The following CNTN5 variants were observed in gnomAD, a reference collection of about 807,000 sequenced individuals.
CNTN5 encodes contactin-5.
CNTN5 carries 77 observed loss-of-function variants against 129.1 expected under a neutral mutation model. The observed-to-expected ratio is 0.60, with a 90% confidence interval of 0.50 to 0.72. The LOEUF (loss-of-function observed/expected upper bound fraction) is 0.72, where lower values mean the gene tolerates loss of function less well. Among genes scored for constraint, CNTN5 ranks in the 30% least tolerant of loss-of-function variants. CNTN5 has a pLI of 0.00. For synonymous variants in CNTN5, 509 were observed against 465.6 expected, an observed-to-expected ratio of 1.09 and a Z score of -1.20; for missense variants, 1,478 against 1,328.8, an observed-to-expected ratio of 1.11 and a Z score of -1.75.
At chr11:99,116,561 C>T (rs1591218035) in intron 1 of CNTN5, among the ~76,000 whole-genome samples, 1 of 152,236 alleles carries the variant, frequency 6.6e-6, no homozygotes, top group Admixed American at 6.5e-5. Context: ...AATAAATATT[C>T]TCTCTATATC....
At chr11:100,304,048 A>G (rs1264884360) in intron 20 of CNTN5, among the ~76,000 whole-genome samples, 2 of 151,622 alleles carry the variant, frequency 1.3e-5, no homozygotes, top group Admixed American at 6.6e-5. Context: ...TATAATCAAT[A>G]TTACAAGCAC....
At chr11:99,046,078 C>T (rs148842073) in intron 1 of CNTN5, among the ~76,000 whole-genome samples, 10 of 152,310 alleles carry the variant, frequency 6.6e-5, no homozygotes, top group African/African-American at 7.2e-5. Flanking sequence ...GTGGCTCACG[C>T]CTGTAATTCC....
At chr11:99,632,376 A>T (rs1951391655) in intron 3 of CNTN5, among the ~76,000 whole-genome samples, 1 of 152,066 alleles carries the variant, frequency 6.6e-6, no homozygotes, top group African/African-American at 2.4e-5. Flanking sequence ...GCTTAGGGTA[A>T]ACATGTCATT....
chr11:99,746,758 T>C (rs1487824486), intron 3 of CNTN5, among the ~76,000 whole-genome samples: 2 of 152,200 alleles, frequency 1.3e-5, no homozygotes, highest in Admixed American at 1.3e-4. Context: ...AAACCAGCCC[T>C]GTGTGGCTGG....
intron 1 of CNTN5, among the ~76,000 whole-genome samples, chr11:99,154,749 C>G (rs990627644): frequency 2.0e-5 from 3 of 152,136 alleles, no homozygotes; most frequent in African/African-American, 7.2e-5. Flanking sequence ...ACATCTGAGG[C>G]TACAAGTGGG....
chr11:99,672,991 A>G (rs552303064), intron 3 of CNTN5, among the ~76,000 whole-genome samples: 2 of 152,210 alleles, frequency 1.3e-5, no homozygotes, highest in East Asian at 1.9e-4. Flanking sequence ...GGTGGGACAC[A>G]TTCTCTTAGG....
Position 99,152,833 on chromosome 11 carries a change from G to A in CNTN5, c.-210+131563G>A, listed in dbSNP as rs571910335. ...CTTTTAAGAACTTCTTTTAAGGCAGGTCTGGTGCTAATGAATTCCTTTAGC... is the reference window on the plus strand; with the variant it reads ...CTTTTAAGAACTTCTTTTAAGGCAGATCTGGTGCTAATGAATTCCTTTAGC... On this transcript the variant is annotated intron_variant, in intron 1 of 24. Coordinates refer to ENST00000524871, the MANE Select transcript of CNTN5 (RefSeq NM_014361.4). 2.2e-4 allele frequency among the ~76,000 whole-genome samples: 33 copies of A among 152,296 alleles called. 1 individual carries two copies. The highest frequency in any genetic ancestry group is 6.8e-3 in the Middle Eastern group (2 of 294).
At chr11:99,580,567 A>G (rs1278475081) in intron 3 of CNTN5, among the ~76,000 whole-genome samples, 1 of 152,220 alleles carries the variant, frequency 6.6e-6, no homozygotes, top group African/African-American at 2.4e-5. Flanking sequence ...GGGAGGGTGT[A>G]TGTGCCGAGG....
intron 15 of CNTN5, among the ~76,000 whole-genome samples, chr11:100,217,304 T>A (rs931786043): frequency 3.3e-5 from 5 of 152,134 alleles, no homozygotes; most frequent in African/African-American, 1.2e-4. Flanking sequence ...TTAAGAAGAA[T>A]CTATTGGTTG....
At chr11:100,165,889 G>T (rs1591343430) in intron 13 of CNTN5, among the ~76,000 whole-genome samples, 1 of 151,716 alleles carries the variant, frequency 6.6e-6, no homozygotes, top group South Asian at 2.1e-4. Flanking sequence ...ACAAGTTAAA[G>T]AACTTGCCTG....
At chr11:99,387,834 A>G (rs1229301194) in intron 2 of CNTN5, among the ~76,000 whole-genome samples, 1 of 152,114 alleles carries the variant, frequency 6.6e-6, no homozygotes, top group East Asian at 1.9e-4. Context: ...CACTTTTTAG[A>G]GTAGTGAGTT....
intron 17 of CNTN5, among the ~76,000 whole-genome samples, chr11:100,266,258 C>T (rs1466530349): frequency 6.6e-6 from 1 of 151,950 alleles, no homozygotes; most frequent in Non-Finnish European, 1.5e-5. Context: ...GATTCTTTTG[C>T]TTGGAAAGGC....
At chr11:100,062,249 A>G (rs1020102434) in intron 10 of CNTN5, among the ~76,000 whole-genome samples, 1 of 152,216 alleles carries the variant, frequency 6.6e-6, no homozygotes, top group Non-Finnish European at 1.5e-5. Flanking sequence ...TCCAAATTTC[A>G]TATTGGCTGT....
Position 100,005,867 on chromosome 11 carries a change from T to C in CNTN5, c.980+3731T>C, listed in dbSNP as rs765314476. Among the ~76,000 whole-genome samples the C allele has an allele frequency of 6.6e-4, 101 of 152,294 alleles. 1 individual carries two copies. Among genetic ancestry groups the C allele is most frequent in the South Asian group, 1.2e-3 (6 of 4,826 alleles). On this transcript the variant is annotated intron_variant, in intron 9 of 24. Coordinates refer to ENST00000524871, the MANE Select transcript of CNTN5 (RefSeq NM_014361.4). ...TACAAAATCTTGCTATTTTCAACTT[T>C]ACCTGTTCCCAGCCTTAGCGGAGTA...
At chr11:99,888,305 A>G (rs1164698839) in intron 6 of CNTN5, among the ~76,000 whole-genome samples, 1 of 152,244 alleles carries the variant, frequency 6.6e-6, no homozygotes, top group Non-Finnish European at 1.5e-5. Context: ...TACAAAATTC[A>G]AATGTAAAGA....
At chr11:99,882,831 G>T (rs571505278) in intron 6 of CNTN5, among the ~76,000 whole-genome samples, 2 of 151,878 alleles carry the variant, frequency 1.3e-5, no homozygotes, top group East Asian at 3.9e-4. Flanking sequence ...CTTTTTTTGT[G>T]CCCATTAACC....
At chr11:99,560,311 G>T in intron 3 of CNTN5, among the ~76,000 whole-genome samples, 1 of 134,606 alleles carries the variant, frequency 7.4e-6, no homozygotes, top group South Asian at 2.5e-4. Context: ...TTATTATTTT[G>T]AGATGGAGTT....
chr11:100,269,743 A>C (rs947344266), intron 17 of CNTN5, among the ~76,000 whole-genome samples: 3 of 152,150 alleles, frequency 2.0e-5, no homozygotes, highest in Non-Finnish European at 4.4e-5. Context: ...AATTGGCAGA[A>C]TTCTCAGGAG....
intron 13 of CNTN5, among the ~76,000 whole-genome samples, chr11:100,154,784 C>T (rs180817311): frequency 6.6e-6 from 1 of 152,260 alleles, no homozygotes; most frequent in African/African-American, 2.4e-5. Context: ...TGATGATGAG[C>T]TTTATTTCAT....
Sources: gnomAD v4.1 joint callset for allele counts (sites outside exome capture counted in the v4.1 genomes callset) on GRCh38, gnomAD v4.1.1 for gene constraint, MANE v1.5 for transcripts, NCBI Gene and HGNC (gene_info 2026-07-23, HGNC 2026-07-21) for gene names.